Variants in CEP112 observed in about 807,000 individuals in gnomAD.
CEP112 encodes centrosomal protein of 112 kDa.
CEP112 carries 127 observed loss-of-function variants against 153.0 expected under a neutral mutation model. That is an observed-to-expected ratio of 0.83 (90% CI 0.72 to 0.96). The LOEUF (loss-of-function observed/expected upper bound fraction) is 0.96, where lower values mean the gene tolerates loss of function less well. Among genes scored for constraint, CEP112 ranks in the 40% least tolerant of loss-of-function variants. CEP112 has a pLI of 0.00. For synonymous variants in CEP112, 358 were observed against 374.4 expected, an observed-to-expected ratio of 0.96 and a Z score of 0.51; for missense variants, 1,089 against 1,101.2, an observed-to-expected ratio of 0.99 and a Z score of 0.16.
chr17:65,817,923 C>A (rs775396262), intron 21 of CEP112, among the ~76,000 whole-genome samples: 26 of 151,810 alleles, frequency 1.7e-4, no homozygotes, highest in Non-Finnish European at 3.1e-4. Context: ...TTATTTTATT[C>A]TTAGCTATAT....
intron 21 of CEP112, among the ~76,000 whole-genome samples, chr17:65,850,122 C>T (rs1001993477): frequency 4.1e-5 from 6 of 146,896 alleles, no homozygotes; most frequent in African/African-American, 1.3e-4. Context: ...CCACTGCACT[C>T]CAGCCTGGGC....
At chr17:65,763,350 G>A (rs1436031031) in intron 21 of CEP112, among the ~76,000 whole-genome samples, 4 of 152,086 alleles carry the variant, frequency 2.6e-5, no homozygotes, top group Admixed American at 6.6e-5. Context: ...GTGGTTTGGT[G>A]TCTGACATTA....
chr17:65,989,852 T>C (rs1181079767), intron 17 of CEP112, among the ~76,000 whole-genome samples: 1 of 152,212 alleles, frequency 6.6e-6, no homozygotes, highest in African/African-American at 2.4e-5. Flanking sequence ...GATGTGTAAT[T>C]GAGACAACAT....
At chr17:65,940,872 T>C (rs1306518881) in intron 18 of CEP112, among the ~76,000 whole-genome samples, 1 of 152,088 alleles carries the variant, frequency 6.6e-6, no homozygotes, top group East Asian at 1.9e-4. Context: ...GGTAAGAGAG[T>C]ATATTTCAAA....
chr17:65,953,938 A>G (rs8069807), intron 18 of CEP112, among the ~76,000 whole-genome samples: 9,839 of 152,236 alleles, frequency 0.065, 466 homozygotes, highest in African/African-American at 0.12. Flanking sequence ...ACTGTCTGAG[A>G]AAACTGAATA....
At chr17:66,130,131 T>C (rs533975428) in intron 5 of CEP112, among the ~76,000 whole-genome samples, 2 of 152,102 alleles carry the variant, frequency 1.3e-5, no homozygotes, top group African/African-American at 4.8e-5. Flanking sequence ...GAGGAAAGGA[T>C]TAGGTTACAA....
chr17:66,049,521 G>A (rs2066352499), intron 12 of CEP112, among the ~76,000 whole-genome samples: 1 of 152,160 alleles, frequency 6.6e-6, no homozygotes, highest in African/African-American at 2.4e-5. Context: ...AGGCCAAGGT[G>A]GGTGGATCAC....
At chr17:65,712,170 G>A (rs942938310) in intron 23 of CEP112, among the ~76,000 whole-genome samples, 7 of 152,074 alleles carry the variant, frequency 4.6e-5, no homozygotes, top group African/African-American at 1.7e-4. Flanking sequence ...ACCACCCTCT[G>A]TTCATTTAAT....
intron 23 of CEP112, among the ~76,000 whole-genome samples, chr17:65,702,160 G>A (rs1214715894): frequency 2.6e-5 from 4 of 152,080 alleles, no homozygotes; most frequent in African/African-American, 9.7e-5. Flanking sequence ...ACAGGCATGA[G>A]CCACTGCGCC....
chr17:65,861,320 T>C (rs1407708833), intron 20 of CEP112, among the ~76,000 whole-genome samples: 1 of 152,196 alleles, frequency 6.6e-6, no homozygotes, highest in Non-Finnish European at 1.5e-5. Flanking sequence ...AGACCAAACT[T>C]TTAAAAATAT....
chr17:66,036,005 A>G (rs2065724208), intron 12 of CEP112, among the ~76,000 whole-genome samples: 1 of 152,362 alleles, frequency 6.6e-6, no homozygotes. Flanking sequence ...AAAATGTGGT[A>G]TATACATGCA....
chr17:66,040,906 G>A (rs2065946732), intron 12 of CEP112, among the ~76,000 whole-genome samples: 1 of 151,824 alleles, frequency 6.6e-6, no homozygotes. Context: ...AGAAACCTTT[G>A]ACTAGTCCAG....
intron 21 of CEP112, among the ~76,000 whole-genome samples, chr17:65,779,496 A>G (rs995062927): frequency 2.6e-5 from 4 of 152,220 alleles, no homozygotes; most frequent in Non-Finnish European, 4.4e-5. Context: ...TGATGTCATC[A>G]TCACAGGAAA....
chr17:66,094,339 G>GT (rs2068255994), intron 8 of CEP112, among the ~76,000 whole-genome samples: 2 of 152,054 alleles, frequency 1.3e-5, no homozygotes, highest in Admixed American at 1.3e-4. Flanking sequence ...AATTACAGGC[G>GT]TGAGCCACCA....
intron 10 of CEP112, among the ~76,000 whole-genome samples, chr17:66,063,894 C>T (rs2067017692): frequency 6.6e-6 from 1 of 152,090 alleles, no homozygotes; most frequent in Non-Finnish European, 1.5e-5. Flanking sequence ...ATATCACTGC[C>T]TAAATATGAT....
intron 12 of CEP112, among the ~76,000 whole-genome samples, chr17:66,044,503 G>T (rs577633834): frequency 6.6e-6 from 1 of 152,242 alleles, no homozygotes; most frequent in South Asian, 2.1e-4. Context: ...CACACATGTG[G>T]TATATGCATA....
chr17:65,808,649 C>A (rs1344571286), intron 21 of CEP112, among the ~76,000 whole-genome samples: 1 of 152,066 alleles, frequency 6.6e-6, no homozygotes, highest in Non-Finnish European at 1.5e-5. Context: ...GCACTTCCCC[C>A]TTCTCTCTCT....
chr17:65,853,764 G>A (rs567954172), intron 20 of CEP112, among the ~76,000 whole-genome samples: 3 of 151,868 alleles, frequency 2.0e-5, no homozygotes, highest in Non-Finnish European at 4.4e-5. Flanking sequence ...GTTCTGTGTA[G>A]ACAGGAAATT....
intron 21 of CEP112, among the ~76,000 whole-genome samples, chr17:65,767,736 A>G (rs113116006): frequency 0.015 from 2,337 of 152,232 alleles, 22 homozygotes; most frequent in Non-Finnish European, 0.021. Context: ...ATAAGGAACT[A>G]TTATTAACAA....
Sources: allele counts gnomAD v4.1 joint callset (sites outside exome capture counted in the v4.1 genomes callset), GRCh38; gene constraint gnomAD v4.1.1; transcripts MANE v1.5; gene names NCBI Gene and HGNC (gene_info 2026-07-23, HGNC 2026-07-21).